PPP1R21: variants seen among roughly 807,000 people sequenced by gnomAD.
The protein encoded by PPP1R21 is KLRAQ motif containing 1.
PPP1R21 carries 85 observed loss-of-function variants against 112.8 expected under a neutral mutation model. The ratio of observed to expected loss-of-function variants is 0.75; its 90% confidence interval spans 0.63 to 0.90. The LOEUF (loss-of-function observed/expected upper bound fraction) is 0.90. PPP1R21 is among the 40% of genes least tolerant of loss of function. The pLI, the probability that PPP1R21 is intolerant of heterozygous loss-of-function variation, is 0.00. For synonymous variants in PPP1R21, 381 were observed against 322.3 expected (o/e 1.18, Z -1.95); for missense variants, 1,199 against 901.5 (o/e 1.33, Z -4.23).
At chr2:48,467,512 C>A (rs72872731) in intron 9 of PPP1R21, among the ~76,000 whole-genome samples, 1,738 of 152,314 alleles carry the variant, frequency 0.011, 34 homozygotes, top group African/African-American at 0.04. Flanking sequence ...CAGGATGTCA[C>A]TGGAGCTGGG....
intron 12 of PPP1R21, among the ~76,000 whole-genome samples, chr2:48,476,135 G>A (rs770331930): frequency 6.6e-5 from 10 of 151,944 alleles, no homozygotes; most frequent in Admixed American, 1.3e-4. Flanking sequence ...TCCCTAGCCC[G>A]TAAACCCTAG....
At chr2:48,502,541 T>C (rs1024709315) in intron 17 of PPP1R21, among the ~76,000 whole-genome samples, 10 of 152,154 alleles carry the variant, frequency 6.6e-5, no homozygotes, top group Admixed American at 1.3e-4. Flanking sequence ...TTCTGTCTTC[T>C]TCCTCTTGGG....
rs554620010 is a variant in PPP1R21 at position 48,491,228 on chromosome 2, A to T, written c.1599+58A>T. On this transcript the variant is annotated intron_variant, in intron 15 of 21. Coordinates refer to ENST00000294952, the MANE Select transcript of PPP1R21 (RefSeq NM_001135629.3). ...GGAAACATCAGGAGTCATTCTAGAG[A>T]ATGGCAAGAGTTTTTCTGCAGTTTA... The T allele has an allele frequency of 6.4e-6, 10 of 1,557,234 alleles. No individual in the cohort carries two copies. In the African/African-American group the frequency reaches 1.2e-4, roughly 19 times the overall value.
intron 16 of PPP1R21, among the ~76,000 whole-genome samples, chr2:48,496,276 T>C (rs1669829299): frequency 6.6e-6 from 1 of 152,156 alleles, no homozygotes; most frequent in Non-Finnish European, 1.5e-5. Flanking sequence ...ATAGTCCTTG[T>C]TACAGTAAAT....
At chr2:48,506,333 A>G (rs1489849399) in intron 18 of PPP1R21, among the ~76,000 whole-genome samples, 2 of 152,112 alleles carry the variant, frequency 1.3e-5, no homozygotes, top group African/African-American at 2.4e-5. Flanking sequence ...AGTTCAGGTG[A>G]TCCATCTGCC....
At chr2:48,448,625 A>T (rs1034539653) in intron 1 of PPP1R21, among the ~76,000 whole-genome samples, 2 of 142,472 alleles carry the variant, frequency 1.4e-5, no homozygotes, top group African/African-American at 5.2e-5. Context: ...TAAAATCTAA[A>T]GACTGAAGCA....
At chr2:48,460,071 G>A (rs1264856725) in intron 5 of PPP1R21, 24 bp from the exon 6 acceptor site, 1 of 1,613,796 alleles carries the variant, frequency 6.2e-7, no homozygotes, top group Admixed American at 1.7e-5. Context: ...AGCCATCTGT[G>A]TTTCTTTTTC....
At chr2:48,464,878 A>G (rs1668130077) in intron 7 of PPP1R21, 59 bp from the exon 8 acceptor site, 1 of 1,324,706 alleles carries the variant, frequency 7.5e-7, no homozygotes, top group South Asian at 1.3e-5. Context: ...TTTGCATTTA[A>G]GTTATTTTCC....
chr2:48,464,884 T>C lies in PPP1R21; in HGVS notation c.695-53T>C, dbSNP rs1332870093. On this transcript the variant is annotated intron_variant, in intron 7 of 21. Transcript: ENST00000294952. ...ATTCATTATTTTGCATTTAAGTTATTTTCCAGTATATGTGAAATGAGAGAC... is the reference window on the plus strand; with the variant it reads ...ATTCATTATTTTGCATTTAAGTTATCTTCCAGTATATGTGAAATGAGAGAC... 7 of 1,395,890 alleles carry C rather than the reference T, an allele frequency of 5.0e-6. No individual in the cohort carries two copies. The East Asian group carries it at 9.9e-5, about 20-fold the overall frequency. The allele number at this position is 1,395,890 out of a possible 1,614,324, so 86.5% of individuals were successfully genotyped here. A position where few individuals can be genotyped will look rare whatever the true frequency, so the allele number is the denominator to read the frequency against.
intron 20 of PPP1R21, 29 bp from the exon 21 acceptor site, chr2:48,511,305 GGATGTT>G: frequency 6.3e-7 from 1 of 1,597,636 alleles, no homozygotes; most frequent in Non-Finnish European, 8.5e-7. Context: ...ACGACTCGTG[GGATGTT>G]GATTTTTGTC....
chr2:48,471,239 C>CAGT, intron 10 of PPP1R21, 40 bp from the exon 11 acceptor site: 2 of 1,608,992 alleles, frequency 1.2e-6, no homozygotes, highest in Non-Finnish European at 1.7e-6. Flanking sequence ...CCTCTTTGTC[C>CAGT]AGTAGCACTT....
chr2:48,500,100 C>G (rs919339028), intron 17 of PPP1R21, among the ~76,000 whole-genome samples: 6 of 152,104 alleles, frequency 3.9e-5, no homozygotes, highest in African/African-American at 9.7e-5. Flanking sequence ...TCAGAGCATA[C>G]CTGCTAGTTA....
chr2:48,506,337 A>G (rs1204958277), intron 18 of PPP1R21, among the ~76,000 whole-genome samples: 1 of 152,142 alleles, frequency 6.6e-6, no homozygotes, highest in Non-Finnish European at 1.5e-5. Context: ...CAGGTGATCC[A>G]TCTGCCTCGG....
chr2:48,507,151 A>AT (rs1670418924), intron 18 of PPP1R21, 118 bp from the exon 19 acceptor site: 3 of 1,349,464 alleles, frequency 2.2e-6, no homozygotes, highest in South Asian at 3.8e-5. Flanking sequence ...GAAAACAGTG[A>AT]TTCCCCATCA....
chr2:48,488,734 C>T (rs1435887073), intron 14 of PPP1R21, among the ~76,000 whole-genome samples: 1 of 151,990 alleles, frequency 6.6e-6, no homozygotes, highest in Admixed American at 6.6e-5. Flanking sequence ...GGTTTTCAAC[C>T]AAAATATTTG....
intron 21 of PPP1R21, among the ~76,000 whole-genome samples, chr2:48,513,833 C>G (rs1670746234): frequency 6.6e-6 from 1 of 152,022 alleles, no homozygotes; most frequent in Non-Finnish European, 1.5e-5. Flanking sequence ...AAAATGTATT[C>G]CCAAGAAGGG....
intron 19 of PPP1R21, among the ~76,000 whole-genome samples, chr2:48,507,878 G>A (rs777749933): frequency 2.1e-5 from 3 of 140,730 alleles, no homozygotes; most frequent in South Asian, 2.4e-4. Context: ...CGATTCTCCC[G>A]CCCCAGCCTC....
At chr2:48,471,798 A>G (rs1162674961) in intron 11 of PPP1R21, among the ~76,000 whole-genome samples, 1 of 152,202 alleles carries the variant, frequency 6.6e-6, no homozygotes, top group Non-Finnish European at 1.5e-5. Context: ...TTGATATTCT[A>G]CTTTAAATAT....
rs2103803084 is a variant in PPP1R21 at position 48,461,236 on chromosome 2, G to T, written c.694+4G>T. ...AAAGTACCTTTTAATGATACAAGTAGGTATTATGTACAGTTTTCCATTATT... is the reference window on the plus strand; with the variant it reads ...AAAGTACCTTTTAATGATACAAGTATGTATTATGTACAGTTTTCCATTATT... On this transcript the variant is annotated splice_donor_region_variant and intron_variant, in intron 7 of 21. Transcript: ENST00000294952. 1 of 1,554,984 alleles carries T rather than the reference G, an allele frequency of 6.4e-7. No individual in the cohort carries two copies. The highest frequency in any genetic ancestry group is 8.6e-7 in the Non-Finnish European group (1 of 1,159,000).
Sources: allele counts gnomAD v4.1 joint callset (sites outside exome capture counted in the v4.1 genomes callset), GRCh38; gene constraint gnomAD v4.1.1; transcripts MANE v1.5; gene names NCBI Gene and HGNC (gene_info 2026-07-23, HGNC 2026-07-21).